The following PRDM16 variants were observed in gnomAD, a reference collection of about 807,000 sequenced individuals.
PRDM16 encodes the protein PR/SET domain 16, also known as histone-lysine N-methyltransferase PRDM16.
In PRDM16, 23 loss-of-function variants were observed where a neutral mutation model predicts 110.6. The observed-to-expected ratio is 0.21, with a 90% CI of 0.15 to 0.29. The LOEUF (loss-of-function observed/expected upper bound fraction) is 0.29, where lower values mean the gene tolerates loss of function less well. Ranked by LOEUF, PRDM16 falls within the 10% of genes least tolerant of loss-of-function variation. The probability of loss-of-function intolerance (pLI) is 1.00; values close to 1 mark genes in which losing one functional copy is unlikely to be tolerated. For missense variants in PRDM16, 1,615 were observed against 1,794.3 expected, an observed-to-expected ratio of 0.90 and a Z score of 1.81; for synonymous variants, 799 against 781.8, an observed-to-expected ratio of 1.02 and a Z score of -0.37.
At chr1:3,079,027 C>T (rs536029560) in intron 1 of PRDM16, among the ~76,000 whole-genome samples, 4 of 152,346 alleles carry the variant, frequency 2.6e-5, no homozygotes, top group East Asian at 1.9e-4. Flanking sequence ...AAACGGTGAC[C>T]GCAGGGTGGC....
intron 1 of PRDM16, among the ~76,000 whole-genome samples, chr1:3,111,292 C>A (rs1557453204): frequency 6.6e-6 from 1 of 151,994 alleles, no homozygotes. Context: ...GGGGTGCGGG[C>A]AGCACCGGCC....
At chr1:3,150,756 C>A (rs1006731841) in intron 1 of PRDM16, among the ~76,000 whole-genome samples, 1 of 151,540 alleles carries the variant, frequency 6.6e-6, no homozygotes, top group Non-Finnish European at 1.5e-5. Flanking sequence ...TTTTTCCAGT[C>A]GCCAGTTGGC....
intron 1 of PRDM16, among the ~76,000 whole-genome samples, chr1:3,099,153 C>T (rs765629518): frequency 2.0e-5 from 3 of 152,248 alleles, no homozygotes; most frequent in Non-Finnish European, 4.4e-5. Flanking sequence ...CTGGGGGCTC[C>T]ACACATGGCC....
chr1:3,241,717 C>G (rs1295900522), intron 2 of PRDM16, among the ~76,000 whole-genome samples: 1 of 152,234 alleles, frequency 6.6e-6, no homozygotes, highest in Non-Finnish European at 1.5e-5. Flanking sequence ...TGGGGGCATT[C>G]CATCCCACCC....
intron 5 of PRDM16, among the ~76,000 whole-genome samples, chr1:3,400,117 C>T (rs186147883): frequency 6.6e-6 from 1 of 152,226 alleles, no homozygotes. Context: ...GAAATTGGGG[C>T]CCTGCCAGCC....
intron 11 of PRDM16, 128 bp downstream of exon 11, chr1:3,418,125 G>T (rs1638321231): frequency 2.6e-6 from 2 of 765,810 alleles, no homozygotes; most frequent in Non-Finnish European, 4.2e-6. Context: ...ACTGCAATCA[G>T]CTGGTTATCT....
chr1:3,278,573 A>G (rs776126244), intron 3 of PRDM16, among the ~76,000 whole-genome samples: 13 of 152,184 alleles, frequency 8.5e-5, no homozygotes, highest in Non-Finnish European at 1.6e-4. Flanking sequence ...GGCATGAAAC[A>G]GGCCCTGGAA....
At chr1:3,258,530 C>T (rs904471855) in intron 3 of PRDM16, among the ~76,000 whole-genome samples, 20 of 152,268 alleles carry the variant, frequency 1.3e-4, no homozygotes, top group Admixed American at 1.2e-3. Flanking sequence ...GATGTTTCTC[C>T]AGTATAGTGT....
At chr1:3,336,893 G>A (rs957812188) in intron 3 of PRDM16, among the ~76,000 whole-genome samples, 1 of 151,858 alleles carries the variant, frequency 6.6e-6, no homozygotes, top group Non-Finnish European at 1.5e-5. Context: ...GCATCCACAT[G>A]TGTGTTGGTG....
chr1:3,241,199 G>C (rs1381503973), intron 2 of PRDM16, among the ~76,000 whole-genome samples: 1 of 152,390 alleles, frequency 6.6e-6, no homozygotes, highest in Admixed American at 6.5e-5. Flanking sequence ...TCCGCAACGC[G>C]GCTCAGGCCC....
chr1:3,070,113 C>T (rs1229378065), intron 1 of PRDM16, among the ~76,000 whole-genome samples: 1 of 151,972 alleles, frequency 6.6e-6, no homozygotes, highest in Non-Finnish European at 1.5e-5. Flanking sequence ...CCGCTGCCGC[C>T]CTCGGGCCCG....
intron 1 of PRDM16, among the ~76,000 whole-genome samples, chr1:3,078,272 C>T (rs1305080988): frequency 6.6e-6 from 1 of 152,150 alleles, no homozygotes; most frequent in Non-Finnish European, 1.5e-5. Context: ...TGCTAGGGGC[C>T]CACCTGGAGG....
chr1:3,418,971 G>T (rs941924120), intron 12 of PRDM16, among the ~76,000 whole-genome samples: 6 of 152,146 alleles, frequency 3.9e-5, no homozygotes, highest in Non-Finnish European at 7.4e-5. Context: ...GAAGGCATCT[G>T]CCTGGCTCTC....
rs1643585367 is a variant in PRDM16, at chr1:3,143,200, C to T, written c.38-42925C>T. 6.6e-6 allele frequency among the ~76,000 whole-genome samples: 1 copy of T among 152,086 alleles called. No homozygotes were observed. Among genetic ancestry groups the T allele is most frequent in the South Asian group, 2.1e-4 (1 of 4,826 alleles). Reference sequence around the variant, plus strand: ...TCGCTGGTTTGCAGCCCCTCGGGGGCCGAGTGTTCCGGGCTCTGATTTTTG... The same window carrying T: ...TCGCTGGTTTGCAGCCCCTCGGGGGTCGAGTGTTCCGGGCTCTGATTTTTG... On this transcript the variant is annotated intron_variant, in intron 1 of 16. Coordinates refer to ENST00000270722, the MANE Select transcript of PRDM16 (RefSeq NM_022114.4). This position sits in a 1 kb window ranked among gnomAD's most constrained non-coding sequence, Gnocchi z 4.5.
intron 1 of PRDM16, among the ~76,000 whole-genome samples, chr1:3,073,952 TG>T (rs1157758388): frequency 6.6e-6 from 1 of 152,070 alleles, no homozygotes; most frequent in Non-Finnish European, 1.5e-5. Flanking sequence ...CCCGCTTGCC[TG>T]GGTTCCCTGC....
chr1:3,153,633 C>T (rs1643814357), intron 1 of PRDM16, among the ~76,000 whole-genome samples: 1 of 152,122 alleles, frequency 6.6e-6, no homozygotes, highest in South Asian at 2.1e-4. Context: ...CAGAGAGCCC[C>T]GATTCACCCT....
At chr1:3,234,477 G>A (rs1639493843) in intron 2 of PRDM16, among the ~76,000 whole-genome samples, 1 of 152,210 alleles carries the variant, frequency 6.6e-6, no homozygotes, top group Admixed American at 6.5e-5. Context: ...TGTGCCTCGA[G>A]GCCCAGGTAT....
At chr1:3,085,895 G>A (rs1205266878) in intron 1 of PRDM16, among the ~76,000 whole-genome samples, 8 of 152,354 alleles carry the variant, frequency 5.3e-5, no homozygotes, top group South Asian at 2.1e-4. Flanking sequence ...GCTGCTTGGC[G>A]TCCAGCAGGG....
At chr1:3,366,598 G>C (rs557062757) in intron 3 of PRDM16, among the ~76,000 whole-genome samples, 1 of 152,266 alleles carries the variant, frequency 6.6e-6, no homozygotes, top group East Asian at 1.9e-4. Context: ...AGAATATTTG[G>C]ATAATCTTGA....
Sources: gnomAD v4.1 joint callset for allele counts (sites outside exome capture counted in the v4.1 genomes callset) on GRCh38, gnomAD v4.1.1 for gene constraint, Gnocchi (gnomAD v3.1) non-coding constraint, MANE v1.5 for transcripts, NCBI Gene and HGNC (gene_info 2026-07-23, HGNC 2026-07-21) for gene names.